The following NPAS2 variants were observed in gnomAD, a reference collection of about 807,000 sequenced individuals.
NPAS2 encodes neuronal PAS domain protein 2, also known as neuronal PAS domain-containing protein 2.
Under a neutral mutation model 107.5 loss-of-function variants are expected in NPAS2, and 23 were observed. The ratio of observed to expected loss-of-function variants is 0.21; its 90% CI spans 0.15 to 0.30. The LOEUF (loss-of-function observed/expected upper bound fraction) is 0.30. NPAS2 is among the 10% of genes least tolerant of loss of function. The pLI is 1.00. For missense variants in NPAS2, 756 were observed against 1,043.3 expected, an observed-to-expected ratio of 0.72 and a Z score of 3.79; for synonymous variants, 403 against 417.5, an observed-to-expected ratio of 0.97 and a Z score of 0.42.
intron 1 of NPAS2, among the ~76,000 whole-genome samples, chr2:100,868,056 CT>C (rs1293944568): frequency 6.6e-6 from 1 of 152,126 alleles, no homozygotes; most frequent in Non-Finnish European, 1.5e-5. Context: ...TTACATGTTA[CT>C]GTTATCCAGT....
intron 7 of NPAS2, 77 bp from the exon 8 acceptor site, chr2:100,963,981 G>T: frequency 1.1e-6 from 1 of 877,900 alleles, no homozygotes; most frequent in South Asian, 1.4e-5. Context: ...TTGGCTTACA[G>T]TTAAGTGCCA....
At chr2:100,943,806 G>A (rs796101449) in intron 5 of NPAS2, among the ~76,000 whole-genome samples, 2 of 152,304 alleles carry the variant, frequency 1.3e-5, no homozygotes, top group East Asian at 1.9e-4. Context: ...ATGGGTCTGT[G>A]TGGGGAGGGA....
At chr2:100,970,882 G>A in intron 11 of NPAS2, 108 bp from the exon 12 acceptor site, 1 of 872,832 alleles carries the variant, frequency 1.1e-6, no homozygotes, top group Non-Finnish European at 1.8e-6. Flanking sequence ...TGTTGTGGGG[G>A]GCAGGGGTTA....
chr2:100,965,779 GC>G lies in NPAS2; in HGVS notation c.907+16del, dbSNP rs778687809. 1.9e-5 allele frequency: 30 copies of G among 1,559,292 alleles called. No individual in the cohort carries two copies. Among genetic ancestry groups the G allele is most frequent in the African/African-American group, 1.6e-4 (11 of 69,870 alleles). ...TGTCACCAGCACCGTGAGTACCACT[GC>G]CCAGCCCAGGCATGGGGGCCTTGCG... is the stretch of plus-strand genomic sequence containing the variant. On this transcript the variant is annotated intron_variant, in intron 10 of 20. Coordinates refer to ENST00000335681, the MANE Select transcript of NPAS2 (RefSeq NM_002518.4). This position sits in a 1 kb window ranked among gnomAD's most constrained non-coding sequence, Gnocchi z 4.3.
At chr2:100,822,438 A>G (rs1676131792) in intron 1 of NPAS2, among the ~76,000 whole-genome samples, 1 of 152,248 alleles carries the variant, frequency 6.6e-6, no homozygotes, top group Admixed American at 6.5e-5. Context: ...AAGATAACAC[A>G]TATAACCTGA....
chr2:100,956,145 A>G (rs529730017), intron 7 of NPAS2, among the ~76,000 whole-genome samples: 38 of 152,224 alleles, frequency 2.5e-4, no homozygotes, highest in African/African-American at 8.9e-4. Context: ...AGCCTAAGCA[A>G]TCCTCCCGCC....
intron 14 of NPAS2, chr2:100,975,815 G>T: frequency 2.4e-6 from 1 of 411,566 alleles, no homozygotes; most frequent in Non-Finnish European, 4.3e-6. Flanking sequence ...AAGGATTAAA[G>T]GCAAAACTGC....
chr2:100,929,154 C>T (rs1683777650), intron 3 of NPAS2, among the ~76,000 whole-genome samples: 1 of 152,210 alleles, frequency 6.6e-6, no homozygotes, highest in South Asian at 2.1e-4. Context: ...ATCTGCCCAC[C>T]TTGGCCTCCC....
chr2:100,834,361 A>G (rs1414731919), intron 1 of NPAS2, among the ~76,000 whole-genome samples: 1 of 152,194 alleles, frequency 6.6e-6, no homozygotes, highest in Admixed American at 6.5e-5. Flanking sequence ...CTCTGCCGTG[A>G]GTAGCATAAG....
intron 16 of NPAS2, chr2:100,982,986 TTTTTG>T (rs1677550729): frequency 6.5e-6 from 1 of 152,690 alleles, no homozygotes. Flanking sequence ...TTTGTTTTGT[TTTTTG>T]TTTTGTTTTG....
chr2:100,870,995 C>T (rs12472319), intron 1 of NPAS2, among the ~76,000 whole-genome samples: 92,058 of 152,046 alleles, frequency 0.61, 28,994 homozygotes, highest in Non-Finnish European at 0.71. Context: ...TTCCTGTTAA[C>T]GCTGTTCTGA....
intron 7 of NPAS2, among the ~76,000 whole-genome samples, chr2:100,954,140 G>T (rs1481181952): frequency 6.6e-6 from 1 of 152,188 alleles, no homozygotes; most frequent in African/African-American, 2.4e-5. Context: ...GGGAGGAGCT[G>T]TCCCTAATTA....
intron 15 of NPAS2, among the ~76,000 whole-genome samples, chr2:100,979,014 G>A (rs1310188666): frequency 2.6e-5 from 4 of 152,206 alleles, no homozygotes; most frequent in Non-Finnish European, 4.4e-5. Context: ...CCAGACGGCA[G>A]TTCAGCAGCA....
intron 5 of NPAS2, among the ~76,000 whole-genome samples, chr2:100,945,335 A>G (rs1279260599): frequency 6.6e-6 from 1 of 151,992 alleles, no homozygotes; most frequent in Non-Finnish European, 1.5e-5. Flanking sequence ...TGTCTTCCCC[A>G]TGCCCAACAG....
intron 1 of NPAS2, among the ~76,000 whole-genome samples, chr2:100,883,941 C>T (rs1358160674): frequency 6.6e-6 from 1 of 152,106 alleles, no homozygotes; most frequent in African/African-American, 2.4e-5. Context: ...TTCTGTTTCA[C>T]CCCTGGAGAG....
At chr2:100,909,919 C>T (rs1192866076) in intron 2 of NPAS2, among the ~76,000 whole-genome samples, 4 of 152,066 alleles carry the variant, frequency 2.6e-5, no homozygotes, top group South Asian at 2.1e-4. Flanking sequence ...GCCCAGTAAA[C>T]GATGGAATGG....
chr2:100,993,602 A>T, intron 20 of NPAS2, 75 bp downstream of exon 20: 2 of 1,167,582 alleles, frequency 1.7e-6, no homozygotes, highest in Non-Finnish European at 1.2e-6. Context: ...AGTCTCAGAG[A>T]TATTTTATTC....
intron 7 of NPAS2, among the ~76,000 whole-genome samples, chr2:100,956,388 C>T (rs185866892): frequency 4.6e-5 from 7 of 152,278 alleles, no homozygotes; most frequent in Admixed American, 2.0e-4. Flanking sequence ...CAGCAGCCCC[C>T]GGTGTCCACT....
Position 100,988,219 on chromosome 2 carries a change from C to G in NPAS2, c.1770C>G (p.Ser590=), listed in dbSNP as rs1677888294. The G allele has an allele frequency of 6.2e-7, 1 of 1,614,088 alleles. No individual in the cohort carries two copies. The highest frequency in any genetic ancestry group is 8.5e-7 in the Non-Finnish European group (1 of 1,180,032). The change falls in exon 17 of 21, where the codon TCC becomes TCG. Residue 590 remains serine (S), a synonymous_variant. Transcript: ENST00000335681. ...GAGPQLPGQI[S]SAQVTSQHLL... is the part of the protein sequence containing the mutation. Reference sequence around the variant, plus strand: ...GCCCCCAACTTCCAGGGCAGATCTCCTCTGCCCAGGTCACAAGCCAGCACC... The same window carrying G: ...GCCCCCAACTTCCAGGGCAGATCTCGTCTGCCCAGGTCACAAGCCAGCACC...
Sources: gnomAD v4.1 joint callset for allele counts (sites outside exome capture counted in the v4.1 genomes callset) on GRCh38, gnomAD v4.1.1 for gene constraint, Gnocchi (gnomAD v3.1) non-coding constraint, MANE v1.5 for transcripts, NCBI Gene and HGNC (gene_info 2026-07-23, HGNC 2026-07-21) for gene names.